ERCC6L2: variants seen among roughly 807,000 people sequenced by gnomAD.
ERCC6L2 encodes the protein ERCC excision repair 6 like 2, also known as DNA excision repair protein ERCC-6-like 2.
Under a neutral mutation model 132.0 loss-of-function variants are expected in ERCC6L2, and 77 were observed. The ratio of observed to expected loss-of-function variants is 0.58; its 90% CI spans 0.49 to 0.71. The LOEUF (loss-of-function observed/expected upper bound fraction) is 0.71, where lower values mean the gene tolerates loss of function less well. Ranked by LOEUF, ERCC6L2 falls within the 30% of genes least tolerant of loss-of-function variation. ERCC6L2 has a pLI of 0.00. For synonymous variants in ERCC6L2, 583 were observed against 632.4 expected (o/e 0.92, Z 1.17); for missense variants, 1,542 against 1,837.6 (o/e 0.84, Z 2.94).
At chr9:96,039,874 A>C (rs1834559055) in intron 20 of ERCC6L2, among the ~76,000 whole-genome samples, 1 of 151,888 alleles carries the variant, frequency 6.6e-6, no homozygotes, top group African/African-American at 2.4e-5. Flanking sequence ...GTGCTGAGTC[A>C]CTCCACAGTG....
chr9:96,012,457 CTT>C lies in ERCC6L2; in HGVS notation c.3908_3909del (p.Leu1303HisfsTer9). 1 of 1,366,854 alleles carries C rather than the reference CTT, an allele frequency of 7.3e-7. No homozygotes were observed. Among genetic ancestry groups the C allele is most frequent in the Non-Finnish European group, 9.8e-7 (1 of 1,021,594 alleles). 84.7% of individuals were successfully genotyped at this position (1,366,854 alleles called of 1,614,324 possible). ...TRKKSDKRES[L>X]IKPRLSDSET... The stretch of plus-strand genomic sequence containing the variant: ...GAAGAAATCTGATAAAAGAGAATCT[CTT>C]ATAAAACCAAGGCTGTCAGATTCTG... On this transcript the variant is annotated frameshift_variant, in exon 19 of 19. Transcript: ENST00000653738. LOFTEE classifies it low-confidence loss of function (END_TRUNC).
chr9:95,877,368 T>G (rs1827333068), intron 1 of ERCC6L2, among the ~76,000 whole-genome samples: 1 of 152,068 alleles, frequency 6.6e-6, no homozygotes, highest in Admixed American at 6.6e-5. Context: ...GCTGTACACT[T>G]ATCTGAGATA....
intron 18 of ERCC6L2, chr9:96,004,982 T>C (rs566768249): frequency 9.6e-5 from 30 of 314,136 alleles, no homozygotes; most frequent in South Asian, 8.0e-4. Context: ...GCACCTAATA[T>C]ATGCCCAGGC....
At chr9:95,923,727 A>G (rs1455539892) in intron 9 of ERCC6L2, among the ~76,000 whole-genome samples, 1 of 152,212 alleles carries the variant, frequency 6.6e-6, no homozygotes, top group Non-Finnish European at 1.5e-5. Flanking sequence ...TATAAAAGCT[A>G]ATGCAAAACA....
At chr9:95,892,021 G>T (rs1828196388) in intron 2 of ERCC6L2, among the ~76,000 whole-genome samples, 1 of 151,770 alleles carries the variant, frequency 6.6e-6, no homozygotes, top group Non-Finnish European at 1.5e-5. Flanking sequence ...ATTTTACTTT[G>T]ATGCACGAAA....
intron 17 of ERCC6L2, among the ~76,000 whole-genome samples, chr9:95,996,137 CT>C (rs1833464474): frequency 6.6e-6 from 1 of 152,222 alleles, no homozygotes; most frequent in South Asian, 2.1e-4. Flanking sequence ...ATTAAAAGTG[CT>C]ACTTCAGTGA....
rs1165633595 is a variant in ERCC6L2 at position 96,015,925 on chromosome 9, C to T, written c.*2722C>T. Among the ~76,000 whole-genome samples the T allele has an allele frequency of 6.6e-6, 1 of 152,140 alleles. No homozygotes were observed. Among genetic ancestry groups the T allele is most frequent in the Non-Finnish European group, 1.5e-5 (1 of 68,028 alleles). On this transcript the variant is annotated 3_prime_UTR_variant, in exon 19 of 19. Coordinates refer to ENST00000653738, the MANE Select transcript of ERCC6L2 (RefSeq NM_020207.7). ...ATCACTATTATGTAGGAAAGTGTGTCAGGTGGAATGCAGAGTCCAGTATGA... is the reference window on the plus strand; with the variant it reads ...ATCACTATTATGTAGGAAAGTGTGTTAGGTGGAATGCAGAGTCCAGTATGA...
intron 12 of ERCC6L2, among the ~76,000 whole-genome samples, chr9:95,946,348 G>A (rs188102394): frequency 6.6e-6 from 1 of 152,228 alleles, no homozygotes; most frequent in East Asian, 1.9e-4. Context: ...CTAACACGGT[G>A]AAACCCCGTC....
At chr9:95,882,595 G>A (rs1173142306) in intron 2 of ERCC6L2, among the ~76,000 whole-genome samples, 1 of 151,850 alleles carries the variant, frequency 6.6e-6, no homozygotes, top group African/African-American at 2.4e-5. Context: ...AAAGGTTTAA[G>A]TGGAAAACTA....
chr9:95,995,256 T>C lies in ERCC6L2; in HGVS notation c.3493-9264T>C, dbSNP rs564109602. Among the ~76,000 whole-genome samples, 10 of 152,330 alleles carry C rather than the reference T, an allele frequency of 6.6e-5. No individual in the cohort carries two copies. The South Asian group carries it at 1.7e-3, about 25-fold the overall frequency. ...TCAATAAATATCATTTCAATGAAAA[T>C]AATGCAACTTGGTTTAGATCTAATG... On this transcript the variant is annotated intron_variant, in intron 17 of 18. Transcript: ENST00000653738.
chr9:96,040,996 C>T (rs964620594), intron 20 of ERCC6L2, among the ~76,000 whole-genome samples: 3 of 152,202 alleles, frequency 2.0e-5, no homozygotes, highest in Admixed American at 6.5e-5. Context: ...TCTTGTCCAT[C>T]ATCTGGATGC....
At chr9:95,984,984 A>G (rs572013918) in intron 17 of ERCC6L2, among the ~76,000 whole-genome samples, 25 of 152,290 alleles carry the variant, frequency 1.6e-4, no homozygotes, top group African/African-American at 6.0e-4. Context: ...TTGCCTGGCA[A>G]TCATGGTGTT....
intron 19 of ERCC6L2, among the ~76,000 whole-genome samples, chr9:96,034,507 G>C (rs945427210): frequency 6.6e-6 from 1 of 152,218 alleles, no homozygotes; most frequent in Non-Finnish European, 1.5e-5. Context: ...TGTGATAGTG[G>C]TGCTTAGACA....
In ERCC6L2 at chr9:95,923,377, A is replaced by T. The variant is rs1829962049; in HGVS notation, c.1531A>T (p.Lys511Ter). The T allele has an allele frequency of 1.9e-6, 3 of 1,613,046 alleles. No individual in the cohort carries two copies. Among genetic ancestry groups the T allele is most frequent in the East Asian group, 4.5e-5 (2 of 44,844 alleles). ...LSDPKYSGKM[K>*]VLQQLLNHCR... ...TGACCCTAAATACAGTGGAAAAATG[A>T]AGGTAAGTGCTCCTCTTTCAGGTTG... is the stretch of plus-strand genomic sequence containing the variant. Residue 511 changes from lysine (K) to a stop codon, truncating the protein, a stop_gained and splice_region_variant, in exon 9 of 19, where the codon AAG (lysine) becomes TAG (stop). Coordinates refer to ENST00000653738, the MANE Select transcript of ERCC6L2 (RefSeq NM_020207.7). LOFTEE classifies it high-confidence loss of function.
chr9:95,956,444 T>C (rs1490278002), intron 13 of ERCC6L2, among the ~76,000 whole-genome samples: 1 of 152,180 alleles, frequency 6.6e-6, no homozygotes, highest in Non-Finnish European at 1.5e-5. Context: ...TGCACTGATA[T>C]GTTGGTCCCA....
At position 95,899,631 on chromosome 9, in the gene ERCC6L2, T is replaced by TGTGC. The variant is rs1491227152; in HGVS notation, c.594+1661_594+1662insTGCG. 1.6e-3 allele frequency among the ~76,000 whole-genome samples: 209 copies of TGTGC among 134,514 alleles called. 1 individual carries two copies. Among genetic ancestry groups the TGTGC allele is most frequent in the East Asian group, 2.4e-3 (11 of 4,590 alleles). The allele number at this position is 134,514 out of a possible 152,430, so 88.2% of individuals were successfully genotyped here. On this transcript the variant is annotated intron_variant, in intron 3 of 18. Coordinates refer to ENST00000653738, the MANE Select transcript of ERCC6L2 (RefSeq NM_020207.7). The stretch of plus-strand genomic sequence containing the variant: ...GTGTGTGTGTGTGTGTGTGTGTGTG[T>TGTGC]GCGTATGTATGCATATGCGATGTAT...
At chr9:95,944,441 A>T (rs1052169545) in intron 12 of ERCC6L2, among the ~76,000 whole-genome samples, 1 of 152,216 alleles carries the variant, frequency 6.6e-6, no homozygotes, top group Non-Finnish European at 1.5e-5. Flanking sequence ...GTAGCAATGG[A>T]TAGTGGTGAT....
chr9:95,878,392 T>A (rs1489972486), intron 1 of ERCC6L2, among the ~76,000 whole-genome samples: 1 of 152,208 alleles, frequency 6.6e-6, no homozygotes, highest in Non-Finnish European at 1.5e-5. Context: ...GATATTCTGA[T>A]GGATTGGATG....
At chr9:96,002,569 A>G (rs1833725800) in intron 17 of ERCC6L2, among the ~76,000 whole-genome samples, 1 of 151,816 alleles carries the variant, frequency 6.6e-6, no homozygotes, top group African/African-American at 2.4e-5. Flanking sequence ...CTACAGGGGC[A>G]CGCCACCGCA....
Sources: allele counts gnomAD v4.1 joint callset (sites outside exome capture counted in the v4.1 genomes callset), GRCh38; gene constraint gnomAD v4.1.1; transcripts MANE v1.5; gene names NCBI Gene and HGNC (gene_info 2026-07-23, HGNC 2026-07-21).